Variants in EBF1 observed in about 807,000 individuals in gnomAD.
EBF1 encodes EBF transcription factor 1.
Under a neutral mutation model 68.4 loss-of-function variants are expected in EBF1, and 10 were observed. That is an observed-to-expected ratio of 0.15 (90% CI 0.09 to 0.25). EBF1 has a LOEUF of 0.25. Ranked by LOEUF, EBF1 falls within the 10% of genes least tolerant of loss-of-function variation. The pLI is 1.00. For synonymous variants in EBF1, 298 were observed against 299.8 expected (o/e 0.99, Z 0.06); for missense variants, 509 against 794.4 (o/e 0.64, Z 4.32).
chr5:158,704,083 T>C (rs1757338073), intron 15 of EBF1, among the ~76,000 whole-genome samples: 1 of 152,190 alleles, frequency 6.6e-6, no homozygotes, highest in Admixed American at 6.5e-5. Context: ...CAGGCTTCCT[T>C]GTTTGCTAGT....
chr5:158,823,112 G>A, intron 8 of EBF1, 64 bp downstream of exon 8: 1 of 1,608,624 alleles, frequency 6.2e-7, no homozygotes, highest in East Asian at 2.2e-5. Flanking sequence ...TGGAGTGGAA[G>A]AAAGAAACCA....
At chr5:158,868,341 C>T (rs1435360554) in intron 6 of EBF1, among the ~76,000 whole-genome samples, 2 of 151,806 alleles carry the variant, frequency 1.3e-5, no homozygotes, top group East Asian at 1.9e-4. Flanking sequence ...AAAAAAAAAT[C>T]ACTCAAAAAT....
chr5:158,818,156 G>A (rs368551414), intron 8 of EBF1, among the ~76,000 whole-genome samples: 1 of 152,284 alleles, frequency 6.6e-6, no homozygotes. Context: ...ACTTCAGCCA[G>A]AGAGCCTGAT....
intron 1 of EBF1, among the ~76,000 whole-genome samples, chr5:159,098,881 GA>G (rs199650902): frequency 3.3e-4 from 40 of 120,404 alleles, no homozygotes; most frequent in Non-Finnish European, 4.1e-4. Context: ...AAGGAGGAAA[GA>G]AAAAAAGAAA....
chr5:159,099,302 C>A (rs756707206), intron 1 of EBF1, 43 bp downstream of exon 1: 4 of 1,430,046 alleles, frequency 2.8e-6, no homozygotes, highest in Admixed American at 5.1e-5. Flanking sequence ...CCGGCTCTCC[C>A]GCTCGCGGCT....
rs545649671 is a variant in EBF1, at chr5:158,810,855, A to T, written c.778+12321T>A. Among the ~76,000 whole-genome samples, 7 of 152,200 alleles carry T rather than the reference A, an allele frequency of 4.6e-5. No homozygotes were observed. In the South Asian group the frequency reaches 1.5e-3, roughly 32 times the overall value. On this transcript the variant is annotated intron_variant, in intron 8 of 15. Transcript: ENST00000313708. ...TTTTCTTATCTTTCTCTGGTTGCCC[A>T]TGTTAGTGCTTCTGTTATAACTGAC...
chr5:158,698,325 AAGG>A lies in EBF1; in HGVS notation c.*783_*785del, dbSNP rs1756063254. On this transcript the variant is annotated 3_prime_UTR_variant, in exon 16 of 16. Coordinates refer to ENST00000313708, the MANE Select transcript of EBF1 (RefSeq NM_024007.5). Reference sequence around the variant, plus strand: ...CTTCAGAAGAAACTGACTTAAGTAAAAGGAGAGAATGAGATCAGATTTAAATAT... The same window carrying A: ...CTTCAGAAGAAACTGACTTAAGTAAAAGAGAATGAGATCAGATTTAAATAT... 4.5e-6 allele frequency: 1 copy of A among 222,916 alleles called. No individual in the cohort carries two copies. Among genetic ancestry groups the A allele is most frequent in the African/African-American group, 2.2e-5 (1 of 44,716 alleles). 13.8% of individuals were successfully genotyped at this position (222,916 alleles called of 1,614,324 possible).
intron 6 of EBF1, among the ~76,000 whole-genome samples, chr5:158,942,119 G>T (rs2127474221): frequency 6.6e-6 from 1 of 152,226 alleles, no homozygotes; most frequent in South Asian, 2.1e-4. Flanking sequence ...TCATTTAGGG[G>T]ATTTCTCTGA....
At chr5:158,715,888 A>C (rs1176541243) in intron 11 of EBF1, among the ~76,000 whole-genome samples, 14 of 152,230 alleles carry the variant, frequency 9.2e-5, no homozygotes, top group Admixed American at 9.2e-4. Flanking sequence ...TTATTTACTA[A>C]GATTAGACTT....
At chr5:158,773,902 A>G (rs911074547) in intron 10 of EBF1, among the ~76,000 whole-genome samples, 1 of 152,184 alleles carries the variant, frequency 6.6e-6, no homozygotes, top group Admixed American at 6.5e-5. Flanking sequence ...GTGAGGTTAT[A>G]GTGGATTTAA....
intron 10 of EBF1, among the ~76,000 whole-genome samples, chr5:158,736,078 T>C (rs1479099071): frequency 6.6e-6 from 1 of 152,252 alleles, no homozygotes; most frequent in Non-Finnish European, 1.5e-5. Flanking sequence ...GGCCTTTTCA[T>C]GCCTATAGTC....
intron 7 of EBF1, among the ~76,000 whole-genome samples, chr5:158,825,492 G>GAA (rs33959428): frequency 8.6e-4 from 126 of 147,278 alleles, no homozygotes; most frequent in South Asian, 2.1e-3. Flanking sequence ...GTCTTAGGAG[G>GAA]AAAAAAAAAA....
chr5:158,936,049 ATCC>A (rs144383929), intron 6 of EBF1, among the ~76,000 whole-genome samples: 2,092 of 152,354 alleles, frequency 0.014, 17 homozygotes, highest in Non-Finnish European at 0.02. Flanking sequence ...TTGGTTTTCC[ATCC>A]TCTTTCCAAA....
chr5:158,901,113 A>T (rs1285780450), intron 6 of EBF1, among the ~76,000 whole-genome samples: 5 of 152,234 alleles, frequency 3.3e-5, no homozygotes, highest in African/African-American at 1.2e-4. Context: ...GCCAGAGTTA[A>T]AATCATCTTC....
chr5:159,065,727 A>T (rs1478065676), intron 6 of EBF1, among the ~76,000 whole-genome samples: 1 of 152,118 alleles, frequency 6.6e-6, no homozygotes, highest in Non-Finnish European at 1.5e-5. Flanking sequence ...TATGTATAAT[A>T]GTGACAGTGT....
At chr5:158,730,879 AAAGT>A (rs1763955514) in intron 11 of EBF1, among the ~76,000 whole-genome samples, 186 bp downstream of exon 11, 1 of 152,236 alleles carries the variant, frequency 6.6e-6, no homozygotes, top group African/African-American at 2.4e-5. Context: ...AACAGATATA[AAAGT>A]AAGCACAGTG....
chr5:158,989,397 G>C (rs1386568453), intron 6 of EBF1, among the ~76,000 whole-genome samples: 3 of 152,208 alleles, frequency 2.0e-5, no homozygotes, highest in Admixed American at 6.5e-5. Flanking sequence ...TGTCAGACTG[G>C]AGAGCAAACA....
chr5:158,798,874 C>A (rs13169788), intron 8 of EBF1, among the ~76,000 whole-genome samples: 12,738 of 152,174 alleles, frequency 0.084, 598 homozygotes, highest in South Asian at 0.11. Context: ...CCCTCAGTCC[C>A]TCCTACCTCT....
chr5:158,792,382 AG>A (rs1441899586), intron 9 of EBF1, among the ~76,000 whole-genome samples: 1 of 152,160 alleles, frequency 6.6e-6, no homozygotes, highest in Admixed American at 6.6e-5. Context: ...CCCACCCCTC[AG>A]GGGGTGATCC....
Sources: gnomAD v4.1 joint callset for allele counts (sites outside exome capture counted in the v4.1 genomes callset) on GRCh38, gnomAD v4.1.1 for gene constraint, MANE v1.5 for transcripts, NCBI Gene and HGNC (gene_info 2026-07-23, HGNC 2026-07-21) for gene names.